Variants in NFIX observed in about 807,000 individuals in gnomAD.
NFIX encodes nuclear factor I X, also known as nuclear factor 1 X-type.
A neutral mutation model predicts 53.3 loss-of-function variants in NFIX; 2 were observed. The observed-to-expected ratio is 0.04, with a 90% CI of 0.02 to 0.12. The LOEUF (loss-of-function observed/expected upper bound fraction) is 0.12. Ranked by LOEUF, NFIX falls within the 10% of genes least tolerant of loss-of-function variation. The pLI is 1.00. For synonymous variants in NFIX, 244 were observed against 289.0 expected (o/e 0.84, Z 1.58); for missense variants, 310 against 674.5 (o/e 0.46, Z 5.99).
chr19:13,029,671 C>T (rs572368751), intron 2 of NFIX, among the ~76,000 whole-genome samples: 29 of 152,182 alleles, frequency 1.9e-4, no homozygotes, highest in Non-Finnish European at 3.4e-4. Context: ...TCCCCTCCCT[C>T]CCTACCTTCA....
At position 13,022,659 on chromosome 19, in the gene NFIX, T is replaced by C. The variant is rs1417709190; in HGVS notation, c.28-2362T>C. ...GAGTGTGCAGGCCCGAGAGAAAGAC[T>C]GAAACCAAAACACAGAGAGAAGGCG... is the stretch of plus-strand genomic sequence containing the variant. On this transcript the variant is annotated intron_variant, in intron 1 of 10. Transcript: ENST00000592199. This position sits in a 1 kb window ranked among gnomAD's most constrained non-coding sequence, Gnocchi z 4.5. 6.6e-6 allele frequency among the ~76,000 whole-genome samples: 1 copy of C among 151,136 alleles called. No individual in the cohort carries two copies. Among genetic ancestry groups the C allele is most frequent in the African/African-American group, 2.4e-5 (1 of 41,066 alleles).
Position 13,094,698 on chromosome 19 carries a change from AG to A in NFIX, c.*55del, listed in dbSNP as rs949862547. On this transcript the variant is annotated 3_prime_UTR_variant, in exon 11 of 11. Transcript: ENST00000592199. This position sits in a 1 kb window ranked among gnomAD's most constrained non-coding sequence, Gnocchi z 4.3. ...AAATGAGAAGAAGAGGTTCCTCGAA[AG>A]GGGGGAGAAGAAATTTTGAGAATGG... The A allele has an allele frequency of 4.6e-6, 7 of 1,522,328 alleles. No individual in the cohort carries two copies. Among genetic ancestry groups the A allele is most frequent in the Non-Finnish European group, 6.2e-6 (7 of 1,134,754 alleles). 94.3% of individuals were successfully genotyped at this position (1,522,328 alleles called of 1,614,324 possible).
rs1183668320 is a variant in NFIX at position 13,052,936 on chromosome 19, C to A, written c.560-20111C>A. Among the ~76,000 whole-genome samples the A allele has an allele frequency of 6.6e-6, 1 of 152,232 alleles. No individual in the cohort carries two copies. The highest frequency in any genetic ancestry group is 2.4e-5 in the African/African-American group (1 of 41,458). On this transcript the variant is annotated intron_variant, in intron 2 of 10. Transcript: ENST00000592199. The surrounding 1 kb of genome is among the most constrained non-coding windows in gnomAD (Gnocchi z 5.2). ...GTTCACAGGGAGGTGGAAATCCAGACAGAAACCTGCCTTCTCCTCCATCCC... is the reference window on the plus strand; with the variant it reads ...GTTCACAGGGAGGTGGAAATCCAGAAAGAAACCTGCCTTCTCCTCCATCCC...
chr19:13,092,543 G>A (rs2145527598), intron 10 of NFIX, among the ~76,000 whole-genome samples: 1 of 152,374 alleles, frequency 6.6e-6, no homozygotes, highest in Middle Eastern at 3.4e-3. Context: ...TGATCTGCCA[G>A]GAGCAGATAG....
Position 12,995,824 on chromosome 19 carries a change from C to T in NFIX, c.-14C>T, listed in dbSNP as rs1380697417. Reference sequence around the variant, plus strand: ...CCGCGGCCGGCCGCCGCGCTCCCGCCCGGGCGCCCAGCTATGTACTCCCCG... The same window carrying T: ...CCGCGGCCGGCCGCCGCGCTCCCGCTCGGGCGCCCAGCTATGTACTCCCCG... On this transcript the variant is annotated 5_prime_UTR_variant, in exon 1 of 11. Coordinates refer to ENST00000592199, the MANE Select transcript of NFIX (RefSeq NM_001365902.3). 2.3e-5 allele frequency: 23 copies of T among 999,058 alleles called. No homozygotes were observed. The highest frequency in any genetic ancestry group is 2.7e-5 in the Non-Finnish European group (23 of 841,446). 61.9% of individuals were successfully genotyped at this position (999,058 alleles called of 1,614,324 possible). A position where few individuals can be genotyped will look rare whatever the true frequency, so the allele number is the denominator to read the frequency against.
Position 13,068,649 on chromosome 19 carries a change from T to C in NFIX, c.560-4398T>C, listed in dbSNP as rs1349026858. On this transcript the variant is annotated intron_variant, in intron 2 of 10. Transcript: ENST00000592199. The surrounding 1 kb of genome is among the most constrained non-coding windows in gnomAD (Gnocchi z 4.2). ...ATGAATACAGAGTGGCCCCAGAACC[T>C]GGAGCCAAATCCCGTTTCAAAGGCT... Among the ~76,000 whole-genome samples the C allele has an allele frequency of 6.6e-6, 1 of 152,218 alleles. No individual in the cohort carries two copies. Among genetic ancestry groups the C allele is most frequent in the African/African-American group, 2.4e-5 (1 of 41,460 alleles).
In NFIX at chr19:13,068,759, G is replaced by A. The variant is rs933071234; in HGVS notation, c.560-4288G>A. Among the ~76,000 whole-genome samples the A allele has an allele frequency of 3.3e-5, 5 of 152,234 alleles. No individual in the cohort carries two copies. The highest frequency in any genetic ancestry group is 9.6e-5 in the African/African-American group (4 of 41,458). On this transcript the variant is annotated intron_variant, in intron 2 of 10. Transcript: ENST00000592199. This position sits in a 1 kb window ranked among gnomAD's most constrained non-coding sequence, Gnocchi z 4.2. ...TCGTAGCCCTCCCTTCCAGAAGCCT[G>A]CAAAGTGGCCAGAACCATGGGCAGG...
Position 13,052,225 on chromosome 19 carries a change from A to T in NFIX, c.560-20822A>T, listed in dbSNP as rs536161659. Among the ~76,000 whole-genome samples, 6 of 152,272 alleles carry T rather than the reference A, an allele frequency of 3.9e-5. No individual in the cohort carries two copies. Among genetic ancestry groups the T allele is most frequent in the African/African-American group, 1.4e-4 (6 of 41,552 alleles). ...GAATCTGCATTTCCACCTAGTACCC[A>T]GGTGCTGTTGGTCCTCCAGGCTTTC... On this transcript the variant is annotated intron_variant, in intron 2 of 10. Transcript: ENST00000592199. The surrounding 1 kb of genome is among the most constrained non-coding windows in gnomAD (Gnocchi z 5.2).
chr19:13,059,297 C>T (rs1183521882), intron 2 of NFIX, among the ~76,000 whole-genome samples: 2 of 152,198 alleles, frequency 1.3e-5, no homozygotes, highest in Non-Finnish European at 2.9e-5. Flanking sequence ...GCTGGGTCTG[C>T]GCCTGTCGCC....
chr19:13,058,802 A>C (rs2015876885), intron 2 of NFIX, among the ~76,000 whole-genome samples: 1 of 152,120 alleles, frequency 6.6e-6, no homozygotes, highest in Admixed American at 6.5e-5. Context: ...ACCATTGCTG[A>C]GCCTCCTTCT....
In NFIX at chr19:13,081,987, T is replaced by C; in HGVS notation, c.1254+132T>C. 9.8e-7 allele frequency: 1 copy of C among 1,019,004 alleles called. No homozygotes were observed. Among genetic ancestry groups the C allele is most frequent in the Non-Finnish European group, 1.4e-6 (1 of 701,832 alleles). The allele number at this position is 1,019,004 out of a possible 1,614,324, so 63.1% of individuals were successfully genotyped here. On this transcript the variant is annotated intron_variant, in intron 8 of 10. Transcript: ENST00000592199. This position sits in a 1 kb window ranked among gnomAD's most constrained non-coding sequence, Gnocchi z 4.7. ...GGCTGGAGCAGCAGGGAGCTGGTAG[T>C]ACCAAACGCCTCGATTTTCTGGGTC...
intron 2 of NFIX, among the ~76,000 whole-genome samples, chr19:13,031,039 C>G (rs904049701): frequency 1.3e-5 from 2 of 152,212 alleles, no homozygotes; most frequent in African/African-American, 2.4e-5. Context: ...TCAGGCTGGC[C>G]TCAGAGCGGG....
chr19:13,097,961 G>GGC lies in NFIX; in HGVS notation c.*3312_*3313insGC, dbSNP rs2018562383. 2 of 154,118 alleles carry GGC rather than the reference G, an allele frequency of 1.3e-5. No homozygotes were observed. The highest frequency in any genetic ancestry group is 2.9e-5 in the Non-Finnish European group (2 of 69,722). 9.5% of individuals were successfully genotyped at this position (154,118 alleles called of 1,614,324 possible). On this transcript the variant is annotated 3_prime_UTR_variant, in exon 11 of 11. Transcript: ENST00000592199. ...TGCCCAGGCCCGCGCCCGCACGCAC[G>GGC]CACGCACACGGCCCCGCACACAGCC...
chr19:13,062,757 A>G (rs1362497421), intron 2 of NFIX, among the ~76,000 whole-genome samples: 1 of 152,228 alleles, frequency 6.6e-6, no homozygotes, highest in Non-Finnish European at 1.5e-5. Flanking sequence ...TTGCTTGTCC[A>G]TGAGCCCAGG....
Position 13,027,204 on chromosome 19 carries a change from G to C in NFIX, c.559+1652G>C, listed in dbSNP as rs1464082032. Among the ~76,000 whole-genome samples, 1 of 152,192 alleles carries C rather than the reference G, an allele frequency of 6.6e-6. No individual in the cohort carries two copies. The highest frequency in any genetic ancestry group is 1.5e-5 in the Non-Finnish European group (1 of 68,044). ...CCCCAAGTCTCTACCTACTTCTGTGGATCTTTCTAGGCCTGCATCCGGCCC... is the reference window on the plus strand; with the variant it reads ...CCCCAAGTCTCTACCTACTTCTGTGCATCTTTCTAGGCCTGCATCCGGCCC... On this transcript the variant is annotated intron_variant, in intron 2 of 10. Transcript: ENST00000592199. The surrounding 1 kb of genome is among the most constrained non-coding windows in gnomAD (Gnocchi z 4.3).
intron 2 of NFIX, among the ~76,000 whole-genome samples, chr19:13,053,993 G>A (rs1000094569): frequency 2.0e-5 from 3 of 152,032 alleles, no homozygotes; most frequent in Non-Finnish European, 4.4e-5. Context: ...ACTGGCCTGC[G>A]GCCAGCGGCA....
chr19:13,074,598 G>A (rs190699389), intron 5 of NFIX, among the ~76,000 whole-genome samples: 1 of 152,008 alleles, frequency 6.6e-6, no homozygotes, highest in African/African-American at 2.4e-5. Context: ...AGGCTAGAGT[G>A]GGGGAGGGCC....
chr19:13,087,317 G>A (rs1323403088), intron 8 of NFIX, among the ~76,000 whole-genome samples: 1 of 152,180 alleles, frequency 6.6e-6, no homozygotes, highest in Non-Finnish European at 1.5e-5. Context: ...CGTTGTACAG[G>A]GAAGTCCTCC....
chr19:13,086,185 G>T (rs1028386036), intron 8 of NFIX, among the ~76,000 whole-genome samples: 3 of 152,260 alleles, frequency 2.0e-5, no homozygotes, highest in African/African-American at 7.2e-5. Context: ...AGTGCAGAGG[G>T]GCGGTAGGGG....
Sources: gnomAD v4.1 joint callset for allele counts (sites outside exome capture counted in the v4.1 genomes callset) on GRCh38, gnomAD v4.1.1 for gene constraint, Gnocchi (gnomAD v3.1) non-coding constraint, MANE v1.5 for transcripts, NCBI Gene and HGNC (gene_info 2026-07-23, HGNC 2026-07-21) for gene names.